LRRK1: variants seen among roughly 807,000 people sequenced by gnomAD.
LRRK1 encodes the protein leucine rich repeat kinase 1.
In LRRK1, 113 loss-of-function variants were observed where a neutral mutation model predicts 209.1. The observed-to-expected ratio is 0.54, with a 90% CI of 0.46 to 0.63. The LOEUF is 0.63. LRRK1 is among the 30% of genes least tolerant of loss of function. The probability of loss-of-function intolerance (pLI) is 0.00; values close to 1 mark genes in which losing one functional copy is unlikely to be tolerated. For synonymous variants in LRRK1, 1,144 were observed against 1,099.7 expected, an observed-to-expected ratio of 1.04 and a Z score of -0.80; for missense variants, 2,284 against 2,632.2, an observed-to-expected ratio of 0.87 and a Z score of 2.89.
chr15:100,992,869 A>G (rs1260964308), intron 6 of LRRK1, among the ~76,000 whole-genome samples: 2 of 152,252 alleles, frequency 1.3e-5, no homozygotes, highest in South Asian at 2.1e-4. Flanking sequence ...GGATTTCACC[A>G]TGTTGGTCAG....
chr15:100,954,434 T>C (rs563121077), intron 2 of LRRK1, among the ~76,000 whole-genome samples: 1 of 152,352 alleles, frequency 6.6e-6, no homozygotes, highest in South Asian at 2.1e-4. Context: ...TGCAATATTT[T>C]CTCTCATTCC....
At chr15:100,944,429 G>A (rs1468363100) in intron 2 of LRRK1, among the ~76,000 whole-genome samples, 1 of 152,160 alleles carries the variant, frequency 6.6e-6, no homozygotes, top group Non-Finnish European at 1.5e-5. Flanking sequence ...CGAAGGGGTG[G>A]GGTAGGCAAG....
chr15:101,004,013 A>G (rs12906318), intron 6 of LRRK1, among the ~76,000 whole-genome samples: 18,522 of 152,148 alleles, frequency 0.12, 1,292 homozygotes, highest in African/African-American at 0.19. Context: ...ACAAATGTCA[A>G]TGTTGGGCCT....
intron 20 of LRRK1, among the ~76,000 whole-genome samples, chr15:101,036,881 T>C (rs993060694): frequency 2.0e-5 from 3 of 152,378 alleles, no homozygotes; most frequent in Non-Finnish European, 4.4e-5. Flanking sequence ...ATAAACAATG[T>C]CAGTGGCATC....
intron 4 of LRRK1, among the ~76,000 whole-genome samples, chr15:100,986,331 C>T (rs1445934036): frequency 6.6e-6 from 1 of 152,212 alleles, no homozygotes; most frequent in Non-Finnish European, 1.5e-5. Flanking sequence ...TGAAGCTGAG[C>T]AGGGAGGAAG....
chr15:101,031,360 C>A (rs1019152127), intron 20 of LRRK1, among the ~76,000 whole-genome samples: 2 of 152,200 alleles, frequency 1.3e-5, no homozygotes, highest in Admixed American at 1.3e-4. Context: ...CACAGAGTCA[C>A]GCAATATGGT....
intron 2 of LRRK1, among the ~76,000 whole-genome samples, chr15:100,926,687 T>C (rs562623865): frequency 2.3e-4 from 31 of 134,792 alleles, no homozygotes; most frequent in East Asian, 2.3e-3. Flanking sequence ...TTTCTTTTTT[T>C]TTTTTTTTTT....
chr15:100,937,817 G>A (rs1256586696), intron 2 of LRRK1, among the ~76,000 whole-genome samples: 2 of 151,874 alleles, frequency 1.3e-5, no homozygotes, highest in Non-Finnish European at 2.9e-5. Flanking sequence ...TTACCGGCGT[G>A]AGCCACTGCG....
At chr15:101,044,996 C>T (rs2034979091) in intron 20 of LRRK1, among the ~76,000 whole-genome samples, 2 of 152,232 alleles carry the variant, frequency 1.3e-5, no homozygotes, top group South Asian at 4.1e-4. Flanking sequence ...GCTTCACCAC[C>T]TGTGTCTGCT....
intron 2 of LRRK1, among the ~76,000 whole-genome samples, chr15:100,950,030 G>A (rs953468618): frequency 8.5e-5 from 13 of 152,158 alleles, no homozygotes; most frequent in African/African-American, 2.9e-4. Context: ...GCAAAGACAA[G>A]AAAAAGAAAT....
chr15:100,967,422 T>C (rs547189447), intron 2 of LRRK1, among the ~76,000 whole-genome samples: 1 of 152,314 alleles, frequency 6.6e-6, no homozygotes, highest in South Asian at 2.1e-4. Flanking sequence ...TTCAGGACGA[T>C]TGCCTTTGAA....
chr15:100,990,056 T>A (rs1029173512), intron 6 of LRRK1, among the ~76,000 whole-genome samples: 2 of 152,238 alleles, frequency 1.3e-5, no homozygotes, highest in Admixed American at 1.3e-4. Flanking sequence ...TTTAACAACC[T>A]GGTAGGGATC....
At chr15:101,068,625 G>A (rs770086096) in intron 33 of LRRK1, 46 bp from the exon 34 acceptor site, 54 of 1,524,298 alleles carry the variant, frequency 3.5e-5, no homozygotes, top group African/African-American at 6.9e-5. Flanking sequence ...AACCCCACCC[G>A]AGTGGGAACC....
intron 29 of LRRK1, among the ~76,000 whole-genome samples, chr15:101,060,947 C>T (rs919832148): frequency 1.3e-5 from 2 of 152,228 alleles, no homozygotes; most frequent in Admixed American, 6.5e-5. Context: ...TGAGGGGTCA[C>T]GGAAAGAGGA....
At chr15:100,926,579 C>T (rs2042114791) in intron 2 of LRRK1, among the ~76,000 whole-genome samples, 1 of 90,802 alleles carries the variant, frequency 1.1e-5, no homozygotes, top group South Asian at 5.8e-4. Flanking sequence ...CCTGGACCCA[C>T]TGGAGCAGCA....
chr15:101,043,688 C>G (rs975978829), intron 20 of LRRK1: 4 of 152,238 alleles, frequency 2.6e-5, no homozygotes, highest in African/African-American at 9.7e-5. Flanking sequence ...GCTTATGGCA[C>G]AGCAGGTTAG....
chr15:100,991,045 T>A (rs1239642990), intron 6 of LRRK1, among the ~76,000 whole-genome samples: 1 of 152,194 alleles, frequency 6.6e-6, no homozygotes, highest in Non-Finnish European at 1.5e-5. Context: ...GTGGCTAGCT[T>A]TTATCTCTTC....
chr15:101,043,299 C>A (rs1371963524), intron 20 of LRRK1, among the ~76,000 whole-genome samples: 1 of 152,238 alleles, frequency 6.6e-6, no homozygotes, highest in Admixed American at 6.5e-5. Context: ...CCACCTCCCA[C>A]TAGGTATGGG....
In LRRK1 at chr15:101,062,661, T is replaced by A. The variant is rs1033347216; in HGVS notation, c.4885T>A (p.Cys1629Ser). Residue 1629 changes from cysteine to serine, a missense_variant, in exon 31 of 34, where the codon TGC becomes AGC. Around this residue, in one of 6 missense-constraint regions of LRRK1, gnomAD observed 643 missense variants for 695.9 expected, o/e 0.92. Transcript: ENST00000388948. The stretch of plus-strand genomic sequence containing the variant: ...CTTGGATACTCCAGCTGTCGTCACC[T>A]GCTTCTTGGCCGTGCCTGTTATTAA... The part of the protein sequence containing the change: ...QALDTPAVVT[C>S]FLAVPVIKKN... 18 of 1,614,066 alleles carry A rather than the reference T, an allele frequency of 1.1e-5. No homozygotes were observed. The highest frequency in any genetic ancestry group is 1.4e-5 in the Non-Finnish European group (17 of 1,179,870).
Sources: gnomAD v4.1 joint callset for allele counts (sites outside exome capture counted in the v4.1 genomes callset) on GRCh38, gnomAD v4.1.1 for gene constraint, gnomAD v4.1.1 regional missense constraint, MANE v1.5 for transcripts, NCBI Gene and HGNC (gene_info 2026-07-23, HGNC 2026-07-21) for gene names.